WIPF1: variants seen among roughly 807,000 people sequenced by gnomAD.
WIPF1 encodes WAS/WASL-interacting protein family member 1.
Under a neutral mutation model 35.4 loss-of-function variants are expected in WIPF1, and 13 were observed. That is an observed-to-expected ratio of 0.37 (90% confidence interval 0.24 to 0.58). The LOEUF is 0.58. Among genes scored for constraint, WIPF1 ranks in the 20% least tolerant of loss-of-function variants. The pLI is 0.74. For missense variants in WIPF1, 591 were observed against 667.0 expected, an observed-to-expected ratio of 0.89 and a Z score of 1.25; for synonymous variants, 267 against 266.3, an observed-to-expected ratio of 1.00 and a Z score of -0.02.
chr2:174,572,332 C>T lies in WIPF1; in HGVS notation c.473G>A (p.Arg158Lys), dbSNP rs148175242. 6.1e-4 allele frequency: 983 copies of T among 1,614,098 alleles called. 1 individual carries two copies. The highest frequency in any genetic ancestry group is 7.7e-4 in the Non-Finnish European group (905 of 1,180,012). The change falls in exon 5 of 8, where the codon AGA becomes AAA. Residue 158 changes from arginine (R) to lysine (K), a missense_variant. Physicochemically the swap from Arg to Lys is conservative, Grantham distance 26 (BLOSUM62 2). This residue lies in a region of WIPF1 where 471 missense variants were observed against 501.1 expected (regional missense o/e 0.94). Coordinates refer to ENST00000679041, the MANE Select transcript of WIPF1 (RefSeq NM_001375834.1). ...GRFPVPSPGHRSGPPEPQRNR... is the reference protein window; with the variant it reads ...GRFPVPSPGHKSGPPEPQRNR... ...CCTCTGAGGCTCTGGGGGACCACTT[C>T]TGTGGCCTGGAGAAGGCACAGGAAA... is the stretch of plus-strand genomic sequence containing the variant.
At chr2:174,649,579 A>G (rs1194739245) in intron 1 of WIPF1, among the ~76,000 whole-genome samples, 1 of 151,942 alleles carries the variant, frequency 6.6e-6, no homozygotes, top group Non-Finnish European at 1.5e-5. Flanking sequence ...TCCCAAGGAA[A>G]CCCCAATAAA....
chr2:174,588,115 G>A (rs956802311), intron 1 of WIPF1, among the ~76,000 whole-genome samples: 10 of 152,156 alleles, frequency 6.6e-5, no homozygotes, highest in African/African-American at 2.2e-4. Context: ...CAGCAGGAAC[G>A]AAAGGGATCT....
intron 1 of WIPF1, among the ~76,000 whole-genome samples, chr2:174,627,225 C>A (rs1456366401): frequency 6.6e-6 from 1 of 152,146 alleles, no homozygotes; most frequent in Admixed American, 6.5e-5. Context: ...ATATACATCA[C>A]CTAGTATTTT....
At chr2:174,600,427 G>A (rs1020256106), upstream of WIPF1, among the ~76,000 whole-genome samples, 3 of 152,118 alleles carry the variant, frequency 2.0e-5, no homozygotes, top group Admixed American at 6.5e-5. Flanking sequence ...AGGGACCCAC[G>A]AGATCTGGCC....
At chr2:174,636,110 A>T (rs2105941415) in intron 1 of WIPF1, among the ~76,000 whole-genome samples, 1 of 152,354 alleles carries the variant, frequency 6.6e-6, no homozygotes, top group South Asian at 2.1e-4. Context: ...TGGAGTCAGA[A>T]ATTGTAAGAA....
At chr2:174,646,770 C>CA (rs778128024) in intron 1 of WIPF1, among the ~76,000 whole-genome samples, 9 of 152,050 alleles carry the variant, frequency 5.9e-5, no homozygotes, top group South Asian at 2.1e-4. Flanking sequence ...CTCACCACCA[C>CA]ACCCAGCTAA....
chr2:174,584,105 T>C (rs920133617), intron 2 of WIPF1, among the ~76,000 whole-genome samples: 20 of 152,190 alleles, frequency 1.3e-4, no homozygotes, highest in Admixed American at 3.9e-4. Flanking sequence ...GACCAGTCTT[T>C]TGAAAAATAT....
chr2:174,606,165 T>A lies in WIPF1; in HGVS notation c.-38-20554A>T, dbSNP rs1201775448. ...CAACAAAAGAACAGACCCTTTTTTC[T>A]AGATCAGCACTGTTCAGTAGAAATA... is the stretch of plus-strand genomic sequence containing the variant. On this transcript the variant is annotated intron_variant, in intron 1 of 8. Transcript: ENST00000272746. 2.0e-5 allele frequency among the ~76,000 whole-genome samples: 3 copies of A among 152,214 alleles called. 1 individual carries two copies. The highest frequency in any genetic ancestry group is 2.0e-4 in the Admixed American group (3 of 15,284).
At chr2:174,671,184 T>C (rs543250117) in intron 1 of WIPF1, among the ~76,000 whole-genome samples, 43 of 152,244 alleles carry the variant, frequency 2.8e-4, no homozygotes, top group Non-Finnish European at 4.7e-4. Flanking sequence ...GAAGATTTCA[T>C]GGACATTTAT....
At position 174,571,636 on chromosome 2, in the gene WIPF1, G is replaced by A. The variant is rs758222691; in HGVS notation, c.1129+40C>T. 4.3e-6 allele frequency: 7 copies of A among 1,613,592 alleles called. No individual in the cohort carries two copies. The South Asian group carries it at 7.7e-5, about 18-fold the overall frequency. ...CAGGATTATTGGTACATTTGGGCAG[G>A]CTGGGTTTTGGAAGCAACTCACTCC... On this transcript the variant is annotated intron_variant, in intron 5 of 7. Transcript: ENST00000679041. This position sits in a 1 kb window ranked among gnomAD's most constrained non-coding sequence, Gnocchi z 4.6.
intron 1 of WIPF1, among the ~76,000 whole-genome samples, chr2:174,618,847 C>T (rs1042004236): frequency 2.6e-5 from 4 of 152,150 alleles, no homozygotes; most frequent in African/African-American, 9.7e-5. Flanking sequence ...AATAAAGCCC[C>T]TCCTATTAAA....
chr2:174,663,812 A>G (rs1032461695), intron 1 of WIPF1, among the ~76,000 whole-genome samples: 2 of 152,234 alleles, frequency 1.3e-5, no homozygotes, highest in Admixed American at 6.5e-5. Flanking sequence ...ATGCGGGCAC[A>G]GGAAAGAATG....
intron 1 of WIPF1, among the ~76,000 whole-genome samples, chr2:174,611,922 A>G (rs1686360201): frequency 6.6e-6 from 1 of 151,932 alleles, no homozygotes. Context: ...TTTGAGACAG[A>G]TTCCTGCTCT....
chr2:174,565,882 T>A (rs1684643475), intron 7 of WIPF1, among the ~76,000 whole-genome samples: 1 of 138,158 alleles, frequency 7.2e-6, no homozygotes, highest in South Asian at 2.3e-4. Flanking sequence ...TATACATTTT[T>A]TTTTATTTTT....
chr2:174,568,849 CTA>C (rs991384109), intron 5 of WIPF1: 33 of 152,178 alleles, frequency 2.2e-4, no homozygotes, highest in African/African-American at 7.7e-4. Flanking sequence ...ATAAAAAATA[CTA>C]TGTAAGTACT....
At chr2:174,634,685 G>A (rs1307281922) in intron 1 of WIPF1, 2 of 152,250 alleles carry the variant, frequency 1.3e-5, no homozygotes, top group African/African-American at 2.4e-5. Context: ...TTTGCTGCTT[G>A]CTTCACATGG....
rs187664343 is a variant in WIPF1, at chr2:174,562,173, C to T, written c.*374G>A. 4.6e-4 allele frequency: 706 copies of T among 1,550,392 alleles called. 1 individual carries two copies. Among genetic ancestry groups the T allele is most frequent in the Non-Finnish European group, 5.6e-4 (637 of 1,146,968 alleles). On this transcript the variant is annotated 3_prime_UTR_variant, in exon 8 of 8. Coordinates refer to ENST00000679041, the MANE Select transcript of WIPF1 (RefSeq NM_001375834.1). ...GGAGGCCAAGCATGCGAAAAAGGAACGGGAGAAAACAGCTCTCAGGGACTT... is the reference window on the plus strand; with the variant it reads ...GGAGGCCAAGCATGCGAAAAAGGAATGGGAGAAAACAGCTCTCAGGGACTT...
chr2:174,678,190 A>G (rs187472476), intron 1 of WIPF1, among the ~76,000 whole-genome samples: 1 of 152,344 alleles, frequency 6.6e-6, no homozygotes, highest in East Asian at 1.9e-4. Context: ...AATTAATGTA[A>G]TTGAGAGAGA....
chr2:174,595,321 A>G (rs956130093), intron 1 of WIPF1, among the ~76,000 whole-genome samples: 1 of 149,288 alleles, frequency 6.7e-6, no homozygotes, highest in East Asian at 1.9e-4. Flanking sequence ...CAGAAAAGAA[A>G]AAGAAAAACA....
Sources: gnomAD v4.1 joint callset for allele counts (sites outside exome capture counted in the v4.1 genomes callset) on GRCh38, gnomAD v4.1.1 for gene constraint, gnomAD v4.1.1 regional missense constraint, Gnocchi (gnomAD v3.1) non-coding constraint, MANE v1.5 for transcripts, NCBI Gene and HGNC (gene_info 2026-07-23, HGNC 2026-07-21) for gene names.